The following MCM10 variants were observed in gnomAD, a reference collection of about 807,000 sequenced individuals.
MCM10 encodes minichromosome maintenance 10 replication initiation factor, also known as protein MCM10 homolog.
Under a neutral mutation model 109.9 loss-of-function variants are expected in MCM10, and 91 were observed. The observed-to-expected ratio is 0.83, with a 90% CI of 0.70 to 0.99. The LOEUF is 0.99. MCM10 is among the 50% of genes least tolerant of loss of function. The pLI, the probability that MCM10 is intolerant of heterozygous loss-of-function variation, is 0.00. For synonymous variants in MCM10, 380 were observed against 387.2 expected (o/e 0.98, Z 0.22); for missense variants, 1,077 against 1,061.2 (o/e 1.01, Z -0.21).
At chr10:13,192,959 C>T (rs1025318654) in intron 13 of MCM10, among the ~76,000 whole-genome samples, 2 of 151,946 alleles carry the variant, frequency 1.3e-5, no homozygotes, top group African/African-American at 4.8e-5. Flanking sequence ...AGTGTCGGCT[C>T]ACTGCAACCT....
At chr10:13,202,087 G>T (rs1240092427) in intron 17 of MCM10, among the ~76,000 whole-genome samples, 7 of 152,196 alleles carry the variant, frequency 4.6e-5, no homozygotes, top group Admixed American at 3.3e-4. Context: ...GGCTGGGTGT[G>T]ATGGCTCATG....
At chr10:13,178,286 G>A (rs553002453) in intron 6 of MCM10, among the ~76,000 whole-genome samples, 3 of 152,264 alleles carry the variant, frequency 2.0e-5, no homozygotes, top group South Asian at 4.1e-4. Flanking sequence ...AGTAGAAACC[G>A]CCATGCTGGC....
In MCM10 at chr10:13,192,472, C is replaced by T. The variant is rs747217762; in HGVS notation, c.1649C>T (p.Pro550Leu). Reference sequence around the variant, plus strand: ...TCAGGGATTATGGGGAGCCCAAAACCAGCCATCAAGTCCATCTCGGCCTCA... The same window carrying T: ...TCAGGGATTATGGGGAGCCCAAAACTAGCCATCAAGTCCATCTCGGCCTCA... ...TASGIMGSPK[P>L]AIKSISASAL... Residue 550 changes from proline to leucine, a missense_variant, in exon 13 of 20, where the codon CCA becomes CTA. Coordinates refer to ENST00000378714, the MANE Select transcript of MCM10 (RefSeq NM_018518.5). The T allele has an allele frequency of 1.2e-6, 2 of 1,614,150 alleles. No individual in the cohort carries two copies. The highest frequency in any genetic ancestry group is 8.5e-7 in the Non-Finnish European group (1 of 1,180,040).
rs773523099 is a variant in MCM10 at position 13,198,721 on chromosome 10, A to AG, written c.2154dup (p.Arg719GlufsTer10). The stretch of plus-strand genomic sequence containing the variant: ...TGAATTGGAGCCTGCCAGGAAAAAA[A>AG]GGAGAGAACAACTTGCCTATCTGGA... On this transcript the variant is annotated frameshift_variant, in exon 16 of 20. Coordinates refer to ENST00000378714, the MANE Select transcript of MCM10 (RefSeq NM_018518.5). LOFTEE classifies it high-confidence loss of function. 4 of 1,613,738 alleles carry AG rather than the reference A, an allele frequency of 2.5e-6. No homozygotes were observed. In the African/African-American group the frequency reaches 5.3e-5, roughly 22 times the overall value.
chr10:13,204,887 T>G (rs905241049), intron 18 of MCM10, among the ~76,000 whole-genome samples: 16 of 151,856 alleles, frequency 1.1e-4, no homozygotes, highest in Non-Finnish European at 1.2e-4. Flanking sequence ...TCCATATACT[T>G]TAAATCATCT....
chr10:13,164,265 A>G (rs1833965459), intron 2 of MCM10, 56 bp downstream of exon 2: 2 of 1,528,822 alleles, frequency 1.3e-6, no homozygotes, highest in African/African-American at 1.4e-5. Context: ...CCTTTTGTCC[A>G]TGGACTTGTT....
chr10:13,176,996 G>C (rs757182990), intron 6 of MCM10, among the ~76,000 whole-genome samples: 8 of 152,210 alleles, frequency 5.3e-5, no homozygotes, highest in Non-Finnish European at 1.0e-4. Flanking sequence ...ACAGAATACA[G>C]CAGTAGAAGC....
intron 2 of MCM10, 149 bp downstream of exon 2, chr10:13,164,358 A>C: frequency 2.8e-5 from 17 of 602,402 alleles, no homozygotes; most frequent in Middle Eastern, 3.0e-4. Flanking sequence ...CTCACATCTC[A>C]CAGAGGTCAC....
chr10:13,199,288 A>G (rs1834464707), intron 16 of MCM10, among the ~76,000 whole-genome samples: 1 of 152,208 alleles, frequency 6.6e-6, no homozygotes, highest in Non-Finnish European at 1.5e-5. Context: ...TTTCTAATAA[A>G]TTTTAGCTTT....
intron 13 of MCM10, among the ~76,000 whole-genome samples, chr10:13,194,408 A>G (rs1386364530): frequency 6.6e-6 from 1 of 152,174 alleles, no homozygotes; most frequent in East Asian, 1.9e-4. Context: ...TTTGCCAGGC[A>G]TGATAGCTCA....
intron 10 of MCM10, among the ~76,000 whole-genome samples, chr10:13,189,789 T>C (rs1834323378): frequency 2.6e-5 from 4 of 152,182 alleles, no homozygotes; most frequent in Admixed American, 2.6e-4. Flanking sequence ...CTATGAAGCT[T>C]CACATGGGGA....
chr10:13,193,908 C>T (rs2131581020), intron 13 of MCM10, among the ~76,000 whole-genome samples: 1 of 152,244 alleles, frequency 6.6e-6, no homozygotes, highest in South Asian at 2.1e-4. Context: ...CTAGAGCTTG[C>T]AAGAGTGGCT....
Position 13,194,096 on chromosome 10 carries a change from G to C in MCM10, c.1746-945G>C, listed in dbSNP as rs1286662218. On this transcript the variant is annotated intron_variant, in intron 13 of 19. Transcript: ENST00000378714. ...TATCTCTTATGAGGCTGGCTTGGTG[G>C]CTTATGTCTGTAATCCTAGCACTTT... is the stretch of plus-strand genomic sequence containing the variant. Among the ~76,000 whole-genome samples the C allele has an allele frequency of 4.6e-5, 7 of 152,142 alleles. No individual in the cohort carries two copies. In the East Asian group the frequency reaches 1.3e-3, roughly 29 times the overall value.
chr10:13,198,808 G>T lies in MCM10; in HGVS notation c.2238+1G>T, dbSNP rs776377802. 6.3e-7 allele frequency: 1 copy of T among 1,599,038 alleles called. No homozygotes were observed. Among genetic ancestry groups the T allele is most frequent in the South Asian group, 1.1e-5 (1 of 90,772 alleles). On this transcript the variant is annotated splice_donor_variant, in intron 16 of 19. Transcript: ENST00000378714. LOFTEE classifies it high-confidence loss of function. ...AAAACACACAGGCATCCTGAAAGAG[G>T]TAAGAGCCCAAAAGCTCAAGGATGG...
At chr10:13,170,538 G>A (rs910881960) in intron 2 of MCM10, among the ~76,000 whole-genome samples, 2 of 152,180 alleles carry the variant, frequency 1.3e-5, no homozygotes, top group Non-Finnish European at 2.9e-5. Context: ...ATTTGGCCCC[G>A]TGGCTGGCCC....
Position 13,171,220 on chromosome 10 carries a change from T to G in MCM10, c.306T>G (p.Pro102=). ...ASQSTENRVL[P]APAPRREKTN... ...AGTCAACTGAAAATAGGGTCCTCCC[T>G]GCTCCTGCCCCCAGGCGAGAGAAAA... The change falls in exon 3 of 20, where the codon CCT becomes CCG. Residue 102 remains proline, a synonymous_variant. Coordinates refer to ENST00000378714, the MANE Select transcript of MCM10 (RefSeq NM_018518.5). The G allele has an allele frequency of 6.2e-7, 1 of 1,613,780 alleles. No homozygotes were observed. Among genetic ancestry groups the G allele is most frequent in the East Asian group, 2.2e-5 (1 of 44,874 alleles).
chr10:13,189,045 C>T lies in MCM10; in HGVS notation c.1380C>T (p.Tyr460=), dbSNP rs772514646. The T allele has an allele frequency of 8.1e-5, 130 of 1,614,230 alleles. No homozygotes were observed. The highest frequency in any genetic ancestry group is 1.6e-4 in the Middle Eastern group (1 of 6,062). The change falls in exon 10 of 20, where the codon TAC becomes TAT. Residue 460 remains tyrosine (Y), a synonymous_variant. Transcript: ENST00000378714. ...KERLCQDGFY[Y]GGVSSASYAA... ...GGCTGTGCCAAGATGGCTTTTACTA[C>T]GGAGGGGTTTCTTCTGCCTCGTATG...
rs1834479537 is a variant in MCM10, at chr10:13,200,248, T to C, written c.2239-1173T>C. 3.3e-5 allele frequency among the ~76,000 whole-genome samples: 5 copies of C among 152,166 alleles called. No individual in the cohort carries two copies. In the South Asian group the frequency reaches 1.0e-3, roughly 32 times the overall value. On this transcript the variant is annotated intron_variant, in intron 16 of 19. Transcript: ENST00000378714. ...AAAGCAGTTAGATTCTAGGGTTTAA[T>C]CAGGTTCCCCATCCACACAGATGTC...
intron 17 of MCM10, 91 bp downstream of exon 17, chr10:13,201,625 C>T: frequency 1.1e-6 from 1 of 939,540 alleles, no homozygotes; most frequent in Non-Finnish European, 1.7e-6. Context: ...GGATCTGGGG[C>T]CCTATCTCGT....
Sources: allele counts gnomAD v4.1 joint callset (sites outside exome capture counted in the v4.1 genomes callset), GRCh38; gene constraint gnomAD v4.1.1; transcripts MANE v1.5; gene names NCBI Gene and HGNC (gene_info 2026-07-23, HGNC 2026-07-21).